Variants in GPD2 observed in about 807,000 individuals in gnomAD.
GPD2 encodes glycerol-3-phosphate dehydrogenase, mitochondrial.
In GPD2, 54 loss-of-function variants were observed where a neutral mutation model predicts 82.4. That is an observed-to-expected ratio of 0.66 (90% CI 0.53 to 0.82). The LOEUF (loss-of-function observed/expected upper bound fraction) is 0.82. Among genes scored for constraint, GPD2 ranks in the 40% least tolerant of loss-of-function variants. The probability of loss-of-function intolerance (pLI) is 0.00; values close to 1 mark genes in which losing one functional copy is unlikely to be tolerated. For synonymous variants in GPD2, 288 were observed against 306.1 expected (o/e 0.94, Z 0.62); for missense variants, 748 against 896.2 (o/e 0.83, Z 2.11).
intron 9 of GPD2, among the ~76,000 whole-genome samples, chr2:156,559,626 A>T (rs1468317098): frequency 6.6e-6 from 1 of 152,168 alleles, no homozygotes; most frequent in African/African-American, 2.4e-5. Flanking sequence ...ACTAATCCAT[A>T]TTGTATAGTA....
In GPD2 at chr2:156,441,686, G is replaced by A. The variant is rs372867371; in HGVS notation, c.-9+5173G>A. ...AGTCTAACAGAAGTGTGGATATCCCGGGGCCCACTATTTTTGACTGGCATC... is the reference window on the plus strand; with the variant it reads ...AGTCTAACAGAAGTGTGGATATCCCAGGGCCCACTATTTTTGACTGGCATC... On this transcript the variant is annotated intron_variant, in intron 1 of 16. Transcript: ENST00000438166. Among the ~76,000 whole-genome samples, 5 of 152,150 alleles carry A rather than the reference G, an allele frequency of 3.3e-5. No individual in the cohort carries two copies. In the East Asian group the frequency reaches 7.7e-4, roughly 23 times the overall value.
intron 1 of GPD2, among the ~76,000 whole-genome samples, chr2:156,438,865 A>G (rs1393928222): frequency 5.3e-4 from 80 of 152,378 alleles, no homozygotes; most frequent in Non-Finnish European, 1.5e-5. Context: ...ATGGAAAACA[A>G]TTGGAGACCA....
At chr2:156,450,851 G>A (rs1682533719) in intron 1 of GPD2, among the ~76,000 whole-genome samples, 1 of 128,290 alleles carries the variant, frequency 7.8e-6, no homozygotes, top group Admixed American at 8.3e-5. Context: ...TGAGATTAGG[G>A]AGTGGTGATG....
intron 16 of GPD2, 29 bp from the exon 17 acceptor site, chr2:156,582,764 C>G (rs768315322): frequency 6.2e-7 from 1 of 1,611,474 alleles, no homozygotes; most frequent in Admixed American, 1.7e-5. Flanking sequence ...GGCCTGCGTT[C>G]TGAATCTGTT....
rs147478075 is a variant in GPD2, at chr2:156,523,741, G to T, written c.661+10245G>T. Among the ~76,000 whole-genome samples the T allele has an allele frequency of 3.9e-3, 593 of 152,014 alleles. 2 individuals carry two copies. The highest frequency in any genetic ancestry group is 6.9e-3 in the Non-Finnish European group (470 of 67,932). ...AGATATTTTATGGAGATGGGGTCTT[G>T]CTCTGTTGCCCAGGCTGGTCTTGAA... On this transcript the variant is annotated intron_variant, in intron 6 of 16. Coordinates refer to ENST00000438166, the MANE Select transcript of GPD2 (RefSeq NM_000408.5).
the GPD2 span, among the ~76,000 whole-genome samples, chr2:156,421,598 A>G: frequency 6.6e-6 from 1 of 152,158 alleles, no homozygotes; most frequent in African/African-American, 2.4e-5. Flanking sequence ...TTATCCTTCA[A>G]TCTTTTATCT....
chr2:156,551,848 ATG>A, intron 8 of GPD2, among the ~76,000 whole-genome samples: 1 of 152,318 alleles, frequency 6.6e-6, no homozygotes, highest in Middle Eastern at 3.4e-3. Context: ...AATATGTTAA[ATG>A]TGAATGGTGA....
intron 2 of GPD2, among the ~76,000 whole-genome samples, chr2:156,491,799 G>A (rs908910489): frequency 1.7e-4 from 26 of 151,984 alleles, no homozygotes; most frequent in Non-Finnish European, 3.7e-4. Context: ...GAGGCTGGTG[G>A]ATCACGAGGG....
chr2:156,532,180 A>T (rs1685889501), intron 6 of GPD2, among the ~76,000 whole-genome samples: 1 of 151,890 alleles, frequency 6.6e-6, no homozygotes, highest in Admixed American at 6.6e-5. Context: ...ATTTTTAAAA[A>T]ACTCTTTGCA....
intron 13 of GPD2, among the ~76,000 whole-genome samples, chr2:156,574,729 C>T (rs1463989065): frequency 1.3e-5 from 2 of 151,404 alleles, no homozygotes; most frequent in African/African-American, 2.4e-5. Flanking sequence ...ATGAAAGGAG[C>T]GATATCAGGA....
At chr2:156,573,374 G>A (rs1314451484) in intron 13 of GPD2, among the ~76,000 whole-genome samples, 1 of 152,176 alleles carries the variant, frequency 6.6e-6, no homozygotes, top group African/African-American at 2.4e-5. Flanking sequence ...GTTTATAGCT[G>A]TTGAAGAAGT....
At chr2:156,426,015 C>T in the GPD2 span, among the ~76,000 whole-genome samples, 2 of 151,782 alleles carry the variant, frequency 1.3e-5, no homozygotes, top group Non-Finnish European at 2.9e-5. Context: ...CTCCGCCTCC[C>T]CGGTTCACGC....
intron 16 of GPD2, 131 bp downstream of exon 16, chr2:156,579,919 G>A (rs938947431): frequency 7.6e-5 from 53 of 699,344 alleles, no homozygotes; most frequent in South Asian, 6.1e-5. Context: ...AAGAAAGCTC[G>A]AAGCCAGCAG....
chr2:156,579,262 T>C (rs1687939713), intron 15 of GPD2, 98 bp downstream of exon 15: 2 of 739,274 alleles, frequency 2.7e-6, no homozygotes, highest in African/African-American at 1.8e-5. Flanking sequence ...AATATTTTTG[T>C]TATAATTTTT....
At chr2:156,549,388 A>C (rs970566662) in intron 6 of GPD2, among the ~76,000 whole-genome samples, 7 of 152,168 alleles carry the variant, frequency 4.6e-5, no homozygotes, top group Non-Finnish European at 1.0e-4. Flanking sequence ...TATTTTCACT[A>C]TTTTTATGGT....
chr2:156,447,757 C>A (rs775606500), intron 1 of GPD2, among the ~76,000 whole-genome samples: 1 of 152,206 alleles, frequency 6.6e-6, no homozygotes, highest in Non-Finnish European at 1.5e-5. Context: ...GCTACTGTGA[C>A]ATCTTCTCTT....
intron 1 of GPD2, among the ~76,000 whole-genome samples, chr2:156,439,484 A>G (rs931196942): frequency 7.3e-6 from 1 of 136,800 alleles, no homozygotes; most frequent in Non-Finnish European, 1.6e-5. Context: ...TAGGAGGCCA[A>G]AACGTGAGAA....
chr2:156,434,937 C>G (rs903644318), upstream of GPD2, among the ~76,000 whole-genome samples: 1 of 152,170 alleles, frequency 6.6e-6, no homozygotes, highest in Admixed American at 6.5e-5. Context: ...AATACAAGGA[C>G]TTGCAGATCC....
the GPD2 span, among the ~76,000 whole-genome samples, chr2:156,411,810 A>G: frequency 6.6e-6 from 1 of 152,234 alleles, no homozygotes; most frequent in Admixed American, 6.5e-5. Flanking sequence ...TCTGAATTTA[A>G]GATCCTGTAT....
Sources: gnomAD v4.1 joint callset for allele counts (sites outside exome capture counted in the v4.1 genomes callset) on GRCh38, gnomAD v4.1.1 for gene constraint, MANE v1.5 for transcripts, NCBI Gene and HGNC (gene_info 2026-07-23, HGNC 2026-07-21) for gene names.